The following RPGRIP1 variants were observed in gnomAD, a reference collection of about 807,000 sequenced individuals.
RPGRIP1 encodes X-linked retinitis pigmentosa GTPase regulator-interacting protein 1.
Under a neutral mutation model 157.9 loss-of-function variants are expected in RPGRIP1, and 128 were observed. The observed-to-expected ratio is 0.81, with a 90% CI of 0.70 to 0.94. RPGRIP1 has a LOEUF of 0.94. Among genes scored for constraint, RPGRIP1 ranks in the 40% least tolerant of loss-of-function variants. RPGRIP1 has a pLI of 0.00. For synonymous variants in RPGRIP1, 554 were observed against 571.6 expected, an observed-to-expected ratio of 0.97 and a Z score of 0.44; for missense variants, 1,486 against 1,545.8, an observed-to-expected ratio of 0.96 and a Z score of 0.65.
chr14:21,296,822 G>C (rs927998688), intron 3 of RPGRIP1, among the ~76,000 whole-genome samples: 4 of 151,762 alleles, frequency 2.6e-5, no homozygotes, highest in Non-Finnish European at 5.9e-5. Flanking sequence ...GGGCGTGGTG[G>C]TGGGCGCCTG....
rs1881077516 is a variant in RPGRIP1, at chr14:21,302,523, T to G, written c.526T>G (p.Ser176Ala). The G allele has an allele frequency of 6.3e-7, 1 of 1,587,160 alleles. No homozygotes were observed. The stretch of plus-strand genomic sequence containing the variant: ...CAGGCTGAGCTACACAGCCCCTCCA[T>G]CGTTTAAGGAGCATGCGACAAATGA... The part of the protein sequence containing the change: ...RDRLSYTAPP[S>A]FKEHATNENR... The change falls in exon 5 of 25, where the codon TCG becomes GCG. Residue 176 changes from serine (S) to alanine (A), a missense_variant. Coordinates refer to ENST00000400017, the MANE Select transcript of RPGRIP1 (RefSeq NM_020366.4).
rs1881005369 is a variant in RPGRIP1 at position 21,301,073 on chromosome 14, G to T, written c.326G>T (p.Trp109Leu). The T allele has an allele frequency of 6.2e-7, 1 of 1,612,536 alleles. No individual in the cohort carries two copies. Among genetic ancestry groups the T allele is most frequent in the South Asian group, 1.1e-5 (1 of 91,038 alleles). Reference protein sequence around the residue: ...ETARRGQKAGWRQRLSMHQRP... With the variant: ...ETARRGQKAGLRQRLSMHQRP... The stretch of plus-strand genomic sequence containing the variant: ...GCAAGGCGCGGGCAGAAGGCGGGAT[G>T]GCGGCAGCGCCTCTCCATGCACCAG... Residue 109 changes from tryptophan (W) to leucine (L), a missense_variant, in exon 4 of 25, where the codon TGG (tryptophan) becomes TTG (leucine). Transcript: ENST00000400017.
Position 21,307,825 on chromosome 14 carries a change from GA to G in RPGRIP1, c.897del (p.Val300PhefsTer16). On this transcript the variant is annotated frameshift_variant, in exon 7 of 25. Coordinates refer to ENST00000400017, the MANE Select transcript of RPGRIP1 (RefSeq NM_020366.4). LOFTEE classifies it high-confidence loss of function. ...GGTTATGACAAAAGCACAATTAACAGAAGTTCAAGAGGTGAGTTGCCATCAT... is the reference window on the plus strand; with the variant it reads ...GGTTATGACAAAAGCACAATTAACAGAGTTCAAGAGGTGAGTTGCCATCAT... Reference protein sequence around the residue: ...SLVMTKAQLTEVQEAYETLLQ... With the variant: ...SLVMTKAQLTXVQEAYETLLQ... 6.4e-7 allele frequency: 1 copy of G among 1,555,830 alleles called. No individual in the cohort carries two copies. Among genetic ancestry groups the G allele is most frequent in the Non-Finnish European group, 8.7e-7 (1 of 1,149,400 alleles).
At chr14:21,313,613 C>T (rs1011198157) in intron 10 of RPGRIP1, among the ~76,000 whole-genome samples, 9 of 151,904 alleles carry the variant, frequency 5.9e-5, no homozygotes, top group Non-Finnish European at 1.3e-4. Flanking sequence ...CATGATGAAG[C>T]CCTGTGTCTA....
At chr14:21,304,418 A>G (rs886526359) in intron 6 of RPGRIP1, among the ~76,000 whole-genome samples, 1 of 151,336 alleles carries the variant, frequency 6.6e-6, no homozygotes, top group Non-Finnish European at 1.5e-5. Flanking sequence ...AAAGAAAGAA[A>G]GAAAGAAAGA....
chr14:21,325,132 G>T, intron 15 of RPGRIP1, 62 bp downstream of exon 15: 1 of 1,545,726 alleles, frequency 6.5e-7, no homozygotes, highest in Non-Finnish European at 8.7e-7. Context: ...AAAGCCTACA[G>T]TTGCTTTTCT....
chr14:21,321,266 A>G lies in RPGRIP1; in HGVS notation c.1475A>G (p.Glu492Gly), dbSNP rs1161752701. 2 of 1,612,898 alleles carry G rather than the reference A, an allele frequency of 1.2e-6. No individual in the cohort carries two copies. Among genetic ancestry groups the G allele is most frequent in the Admixed American group, 3.3e-5 (2 of 59,710 alleles). The change falls in exon 13 of 25, where the codon GAA (glutamate) becomes GGA (glycine). Residue 492 changes from glutamate (E) to glycine (G), a missense_variant. Physicochemically the swap from Glu to Gly is moderately conservative, Grantham distance 98. Coordinates refer to ENST00000400017, the MANE Select transcript of RPGRIP1 (RefSeq NM_020366.4). ...ATGCGTTTCCCTCTACAGCCAAGTG[A>G]ACCCAAAAACCAAGAAGAAAAGAAA... ...LQENTQIEPS[E>G]PKNQEEKKLS...
intron 2 of RPGRIP1, 119 bp downstream of exon 2, chr14:21,288,180 C>CTTTTTT: frequency 4.1e-6 from 2 of 490,612 alleles, no homozygotes; most frequent in Non-Finnish European, 3.6e-6. Flanking sequence ...AGTCTTCTCA[C>CTTTTTT]TTTTTTTTTT....
chr14:21,332,781 G>A (rs1883921903), intron 20 of RPGRIP1, among the ~76,000 whole-genome samples: 1 of 152,126 alleles, frequency 6.6e-6, no homozygotes, highest in Non-Finnish European at 1.5e-5. Context: ...GTTAGTTATT[G>A]TTTTAATATC....
rs763822400 is a variant in RPGRIP1 at position 21,288,079 on chromosome 14, G to A, written c.85+18G>A. On this transcript the variant is annotated intron_variant, in intron 2 of 24. Transcript: ENST00000400017. Reference sequence around the variant, plus strand: ...CTCAAAAGGTAACTTCTACGCCTGAGGATGGACACCTTTTAGAATTAAAAG... The same window carrying A: ...CTCAAAAGGTAACTTCTACGCCTGAAGATGGACACCTTTTAGAATTAAAAG... 1 of 1,505,878 alleles carries A rather than the reference G, an allele frequency of 6.6e-7. No homozygotes were observed. The highest frequency in any genetic ancestry group is 2.3e-5 in the East Asian group (1 of 44,322). The allele number at this position is 1,505,878 out of a possible 1,614,324, so 93.3% of individuals were successfully genotyped here. A position where few individuals can be genotyped will look rare whatever the true frequency, so the allele number is the denominator to read the frequency against.
chr14:21,331,177 G>A (rs1304653934), intron 20 of RPGRIP1, among the ~76,000 whole-genome samples: 6 of 151,796 alleles, frequency 4.0e-5, no homozygotes, highest in Admixed American at 3.9e-4. Flanking sequence ...CCAAAGTGCT[G>A]GGATTACAGG....
chr14:21,304,393 AAGAAAGAAAGAAAGAAAGAAAGAAAG>A (rs1881194353), intron 6 of RPGRIP1, among the ~76,000 whole-genome samples: 1 of 59,900 alleles, frequency 1.7e-5, no homozygotes, highest in Admixed American at 2.2e-4. Context: ...GAGAGAGAGA[AAGAAAGAAAGAAAGAAAGAAAGAAAG>A]AAAGAAAGAA....
At chr14:21,296,369 G>A (rs1020728556) in intron 3 of RPGRIP1, among the ~76,000 whole-genome samples, 1 of 151,462 alleles carries the variant, frequency 6.6e-6, no homozygotes, top group African/African-American at 2.4e-5. Flanking sequence ...GCCCAGCCAT[G>A]CCTGGCTAAT....
At chr14:21,315,806 A>ATTTT (rs1360256191) in intron 10 of RPGRIP1, among the ~76,000 whole-genome samples, 3 of 144,596 alleles carry the variant, frequency 2.1e-5, no homozygotes, top group African/African-American at 5.2e-5. Flanking sequence ...TATTATTATT[A>ATTTT]TTTTTTTTTT....
intron 20 of RPGRIP1, among the ~76,000 whole-genome samples, chr14:21,333,575 T>C (rs114482733): frequency 0.012 from 1,872 of 150,650 alleles, 46 homozygotes; most frequent in African/African-American, 0.042. Flanking sequence ...TCTCTCAATG[T>C]GGCATTAGAT....
At chr14:21,345,003 G>T in intron 22 of RPGRIP1, 110 bp from the exon 23 acceptor site, 1 of 720,870 alleles carries the variant, frequency 1.4e-6, no homozygotes, top group Non-Finnish European at 2.5e-6. Flanking sequence ...ATCCAGGCAA[G>T]GAGTCTAATC....
intron 8 of RPGRIP1, 189 bp downstream of exon 8, chr14:21,310,796 T>G: frequency 1.5e-6 from 1 of 680,434 alleles, no homozygotes; most frequent in South Asian, 1.5e-5. Context: ...TATTGCACTG[T>G]TTTCATAAAA....
chr14:21,299,173 G>A (rs536566638), intron 3 of RPGRIP1, among the ~76,000 whole-genome samples: 11 of 151,992 alleles, frequency 7.2e-5, no homozygotes, highest in Non-Finnish European at 1.2e-4. Context: ...GTGCCACCAC[G>A]TGCAGCTAAT....
At chr14:21,309,131 A>G (rs1235216979) in intron 7 of RPGRIP1, among the ~76,000 whole-genome samples, 1 of 152,198 alleles carries the variant, frequency 6.6e-6, no homozygotes, top group Non-Finnish European at 1.5e-5. Context: ...AGCTGCTTTA[A>G]AGGACGAGAA....
Sources: allele counts gnomAD v4.1 joint callset (sites outside exome capture counted in the v4.1 genomes callset), GRCh38; gene constraint gnomAD v4.1.1; transcripts MANE v1.5; gene names NCBI Gene and HGNC (gene_info 2026-07-23, HGNC 2026-07-21).